Variants in ABCA13 observed in about 807,000 individuals in gnomAD.
ABCA13 encodes the protein ATP-binding cassette sub-family A member 13.
Under a neutral mutation model 478.7 loss-of-function variants are expected in ABCA13, and 476 were observed. That is an observed-to-expected ratio of 0.99 (90% CI 0.92 to 1.07). ABCA13 has a LOEUF of 1.07. Ranked by LOEUF, ABCA13 falls within the 50% of genes least tolerant of loss-of-function variation. The probability of loss-of-function intolerance (pLI) is 0.00; values close to 1 mark genes in which losing one functional copy is unlikely to be tolerated. For missense variants in ABCA13, 6,060 were observed against 5,910.6 expected, an observed-to-expected ratio of 1.03 and a Z score of -0.83; for synonymous variants, 2,252 against 2,158.9, an observed-to-expected ratio of 1.04 and a Z score of -1.20.
Position 48,310,775 on chromosome 7 carries a change from G to A in ABCA13, c.9516+634G>A, listed in dbSNP as rs117564853. On this transcript the variant is annotated intron_variant, in intron 24 of 61. Coordinates refer to ENST00000435803, the MANE Select transcript of ABCA13 (RefSeq NM_152701.5). The stretch of plus-strand genomic sequence containing the variant: ...GATGAAGTCTGCAGGAGAGAGTGGA[G>A]AGTGGGAAGTGAGGAGGAGCTGGGG... Among the ~76,000 whole-genome samples, 686 of 152,274 alleles carry A rather than the reference G, an allele frequency of 4.5e-3. 7 individuals carry two copies. The highest frequency in any genetic ancestry group is 0.024 in the Middle Eastern group (7 of 294).
At chr7:48,359,137 G>A (rs1043090193) in intron 31 of ABCA13, among the ~76,000 whole-genome samples, 6 of 151,934 alleles carry the variant, frequency 3.9e-5, no homozygotes, top group Admixed American at 1.3e-4. Flanking sequence ...CTTGTAGTGC[G>A]CAGTGAATTA....
At chr7:48,380,277 G>A (rs1000252879) in intron 35 of ABCA13, among the ~76,000 whole-genome samples, 1 of 152,050 alleles carries the variant, frequency 6.6e-6, no homozygotes, top group Admixed American at 6.6e-5. Context: ...AGAATATCTG[G>A]TTTTAAGTTT....
chr7:48,583,467 A>G (rs113243729), intron 56 of ABCA13, among the ~76,000 whole-genome samples: 1,910 of 152,306 alleles, frequency 0.013, 18 homozygotes, highest in Non-Finnish European at 0.016. Flanking sequence ...TGATAGATGT[A>G]TGTGTGAATC....
At chr7:48,407,747 G>A (rs1019985700) in intron 39 of ABCA13, among the ~76,000 whole-genome samples, 3 of 151,830 alleles carry the variant, frequency 2.0e-5, no homozygotes, top group Non-Finnish European at 4.4e-5. Flanking sequence ...TAGTAGAGAT[G>A]GGGTTTCTGC....
intron 19 of ABCA13, among the ~76,000 whole-genome samples, chr7:48,285,355 G>T (rs766099901): frequency 6.6e-6 from 1 of 152,208 alleles, no homozygotes; most frequent in African/African-American, 2.4e-5. Context: ...GCCAGGGATT[G>T]GGAGAGGCAA....
intron 3 of ABCA13, among the ~76,000 whole-genome samples, chr7:48,205,806 A>AT (rs962159084): frequency 6.6e-6 from 1 of 152,206 alleles, no homozygotes; most frequent in African/African-American, 2.4e-5. Flanking sequence ...TGCAAATAGT[A>AT]TTTTTTAAAA....
intron 40 of ABCA13, among the ~76,000 whole-genome samples, chr7:48,411,065 CTT>C (rs1442076726): frequency 0.076 from 8,941 of 117,684 alleles, 1,160 homozygotes; most frequent in Middle Eastern, 0.14. Flanking sequence ...TTCTTTCTTT[CTT>C]TCTTTTTCTT....
At chr7:48,224,767 G>C (rs1165724531) in intron 5 of ABCA13, among the ~76,000 whole-genome samples, 1 of 152,082 alleles carries the variant, frequency 6.6e-6, no homozygotes, top group Non-Finnish European at 1.5e-5. Context: ...TTCAGAGCGT[G>C]TGCTCCCTGA....
chr7:48,479,544 C>T lies in ABCA13; in HGVS notation c.12976-1492C>T, dbSNP rs181105388. ...TGAGCCCCTCGACTGGCTCTTTTAG[C>T]AATTTTCAAGGTACAATACATTGTC... On this transcript the variant is annotated intron_variant, in intron 45 of 61. Transcript: ENST00000435803. 1.1e-3 allele frequency among the ~76,000 whole-genome samples: 171 copies of T among 152,254 alleles called. 1 individual carries two copies. Among genetic ancestry groups the T allele is most frequent in the Middle Eastern group, 6.8e-3 (2 of 294 alleles).
intron 51 of ABCA13, among the ~76,000 whole-genome samples, chr7:48,512,702 T>G (rs1265943283): frequency 6.6e-6 from 1 of 152,208 alleles, no homozygotes; most frequent in African/African-American, 2.4e-5. Context: ...TAGAAATTTT[T>G]ATTAGTTGTT....
At chr7:48,564,439 T>A (rs1005138170) in intron 55 of ABCA13, among the ~76,000 whole-genome samples, 11 of 113,526 alleles carry the variant, frequency 9.7e-5, no homozygotes, top group African/African-American at 3.2e-4. Flanking sequence ...ACTTTTTTTT[T>A]AATAATAATG....
Position 48,171,500 on chromosome 7 carries a change from G to A in ABCA13, c.17G>A (p.Cys6Tyr), listed in dbSNP as rs766000974. The A allele has an allele frequency of 2.0e-5, 31 of 1,536,078 alleles. No individual in the cohort carries two copies. Among genetic ancestry groups the A allele is most frequent in the Middle Eastern group, 3.9e-4 (2 of 5,166 alleles). Residue 6 changes from cysteine to tyrosine, a missense_variant, in exon 1 of 62, where the codon TGC becomes TAC. Coordinates refer to ENST00000435803, the MANE Select transcript of ABCA13 (RefSeq NM_152701.5). ...GCAGCAGGCATGGGGCATGCCGGGT[G>A]CCAGTTCAAAGCCCTGCTGTGGAAG... MGHAG[C>Y]QFKALLWKNW... is the part of the protein sequence containing the mutation.
At chr7:48,532,474 A>G (rs1403118306) in intron 55 of ABCA13, among the ~76,000 whole-genome samples, 1 of 151,602 alleles carries the variant, frequency 6.6e-6, no homozygotes, top group Non-Finnish European at 1.5e-5. Flanking sequence ...TTTTTTTGTT[A>G]TGTCCTTTCC....
At chr7:48,486,424 A>G (rs1163969015) in intron 47 of ABCA13, among the ~76,000 whole-genome samples, 2 of 152,188 alleles carry the variant, frequency 1.3e-5, no homozygotes, top group Admixed American at 6.5e-5. Flanking sequence ...CTGTTTTCAC[A>G]CTGTAATATG....
chr7:48,545,928 C>T (rs958487230), intron 55 of ABCA13, among the ~76,000 whole-genome samples: 1 of 151,742 alleles, frequency 6.6e-6, no homozygotes, highest in African/African-American at 2.4e-5. Context: ...AGAATAGAGA[C>T]AATGGGAGAG....
At chr7:48,205,995 T>G (rs1161282424) in intron 3 of ABCA13, among the ~76,000 whole-genome samples, 1 of 152,206 alleles carries the variant, frequency 6.6e-6, no homozygotes, top group Non-Finnish European at 1.5e-5. Flanking sequence ...TTCCTCAGAA[T>G]TCTCCTGTGC....
intron 55 of ABCA13, among the ~76,000 whole-genome samples, chr7:48,540,651 A>G (rs1015726556): frequency 2.6e-5 from 4 of 152,070 alleles, no homozygotes; most frequent in Non-Finnish European, 5.9e-5. Flanking sequence ...ATATTAAGGT[A>G]TTTTTGTCTC....
chr7:48,482,338 G>A (rs1042691827), intron 46 of ABCA13, among the ~76,000 whole-genome samples: 2 of 151,972 alleles, frequency 1.3e-5, no homozygotes, highest in African/African-American at 2.4e-5. Flanking sequence ...AATAGAGTAG[G>A]GAAGACAAAC....
chr7:48,548,827 T>G lies in ABCA13; in HGVS notation c.14354+20482T>G, dbSNP rs115443476. Among the ~76,000 whole-genome samples, 944 of 151,716 alleles carry G rather than the reference T, an allele frequency of 6.2e-3. 14 individuals carry two copies. Among genetic ancestry groups the G allele is most frequent in the African/African-American group, 0.022 (898 of 41,450 alleles). On this transcript the variant is annotated intron_variant, in intron 55 of 61. Coordinates refer to ENST00000435803, the MANE Select transcript of ABCA13 (RefSeq NM_152701.5). ...GCATGCCTTGCTTGCACAGCTTCTA[T>G]GTTCCCTACATGCTCCTTACACCTG...
Sources: gnomAD v4.1 joint callset for allele counts (sites outside exome capture counted in the v4.1 genomes callset) on GRCh38, gnomAD v4.1.1 for gene constraint, MANE v1.5 for transcripts, NCBI Gene and HGNC (gene_info 2026-07-23, HGNC 2026-07-21) for gene names.